AP4E1: variants seen among roughly 807,000 people sequenced by gnomAD.
The protein encoded by AP4E1 is AP-4 complex subunit epsilon-1.
In AP4E1, 56 loss-of-function variants were observed where a neutral mutation model predicts 128.2. That is an observed-to-expected ratio of 0.44 (90% CI 0.35 to 0.55). The LOEUF is 0.55. AP4E1 is among the 20% of genes least tolerant of loss of function. AP4E1 has a pLI of 0.00. For synonymous variants in AP4E1, 484 were observed against 473.1 expected (o/e 1.02, Z -0.30); for missense variants, 1,324 against 1,307.7 (o/e 1.01, Z -0.19).
In AP4E1 at chr15:50,984,044, ACT is replaced by A; in HGVS notation, c.1993_1994del (p.Ser665LeufsTer25). ...EKVLNFEPYG[L>X]SFSSSGFTGR... ...TAGTTCTCAATTTTGAACCATATGG[ACT>A]CTCCTTTTCTTCATCTGGCTTCACT... On this transcript the variant is annotated frameshift_variant, in exon 16 of 21. Transcript: ENST00000261842. LOFTEE classifies it high-confidence loss of function. 6.2e-7 allele frequency: 1 copy of A among 1,612,506 alleles called. No individual in the cohort carries two copies. The highest frequency in any genetic ancestry group is 2.2e-5 in the East Asian group (1 of 44,798).
At position 50,922,978 on chromosome 15, in the gene AP4E1, C is replaced by T. The variant is rs28661975; in HGVS notation, c.347-953C>T. Among the ~76,000 whole-genome samples the T allele has an allele frequency of 5.0e-3, 759 of 152,178 alleles. 10 individuals carry two copies. Among genetic ancestry groups the T allele is most frequent in the African/African-American group, 0.018 (735 of 41,520 alleles). ...ATTTTTAGTAGAGACGGGGTTTCAC[C>T]GTGTTAGCCAGGATGGTCTCGATCT... On this transcript the variant is annotated intron_variant, in intron 3 of 20. Transcript: ENST00000261842.
chr15:50,972,517 G>A (rs2064495214), intron 15 of AP4E1, among the ~76,000 whole-genome samples: 1 of 152,032 alleles, frequency 6.6e-6, no homozygotes, highest in African/African-American at 2.4e-5. Context: ...TGGCCATGTA[G>A]TTTCTTTAGC....
In AP4E1 at chr15:51,004,319, A is replaced by G. The variant is rs2064996706; in HGVS notation, c.*1657A>G. The G allele has an allele frequency of 6.6e-6, 1 of 152,234 alleles. No individual in the cohort carries two copies. The highest frequency in any genetic ancestry group is 1.5e-5 in the Non-Finnish European group (1 of 68,058). 9.4% of individuals were successfully genotyped at this position (152,234 alleles called of 1,614,324 possible). A position where few individuals can be genotyped will look rare whatever the true frequency, so the allele number is the denominator to read the frequency against. ...CCTAATTCTGCTGTGACTCTGACAG[A>G]GAGGAAGTGCCTTCTCACTTTGCAA... On this transcript the variant is annotated 3_prime_UTR_variant, in exon 21 of 21. Transcript: ENST00000261842.
chr15:50,935,956 A>G (rs2063903400), intron 8 of AP4E1, among the ~76,000 whole-genome samples: 1 of 152,204 alleles, frequency 6.6e-6, no homozygotes, highest in Non-Finnish European at 1.5e-5. Context: ...TGCTTTATTA[A>G]TTTGTTCAGC....
intron 17 of AP4E1, 62 bp downstream of exon 17, chr15:50,993,687 C>T (rs987936720): frequency 6.2e-7 from 1 of 1,604,008 alleles, no homozygotes; most frequent in Non-Finnish European, 8.5e-7. Context: ...AAAAAACTGG[C>T]TCTATAAAAG....
At chr15:50,979,477 TGCTCTTAGATA>T (rs1435208265) in intron 15 of AP4E1, among the ~76,000 whole-genome samples, 3 of 152,230 alleles carry the variant, frequency 2.0e-5, no homozygotes, top group African/African-American at 7.2e-5. Context: ...GCTGATGCCA[TGCTCTTAGATA>T]GCTCAGCCTT....
chr15:50,922,867 T>C (rs930554658), intron 3 of AP4E1, among the ~76,000 whole-genome samples: 2 of 151,800 alleles, frequency 1.3e-5, no homozygotes, highest in Non-Finnish European at 2.9e-5. Context: ...AAGCTCTGCC[T>C]CCTGGGTTCA....
At chr15:50,940,654 A>G (rs891143862) in intron 8 of AP4E1, among the ~76,000 whole-genome samples, 1 of 152,216 alleles carries the variant, frequency 6.6e-6, no homozygotes, top group Non-Finnish European at 1.5e-5. Context: ...AGAACACATA[A>G]GACTTAATGT....
chr15:50,968,803 T>G (rs2064432619), intron 15 of AP4E1, among the ~76,000 whole-genome samples: 1 of 151,168 alleles, frequency 6.6e-6, no homozygotes, highest in East Asian at 2.0e-4. Context: ...AAATTTTGTA[T>G]TTTTAGTAGA....
chr15:50,977,717 T>TTTTTG (rs1567250872), intron 15 of AP4E1, among the ~76,000 whole-genome samples: 4 of 135,120 alleles, frequency 3.0e-5, no homozygotes, highest in East Asian at 4.0e-4. Context: ...TTTTTTTTTT[T>TTTTTG]TTTTTTTTTA....
At chr15:50,952,542 T>C (rs1375431223) in intron 13 of AP4E1, among the ~76,000 whole-genome samples, 3 of 151,738 alleles carry the variant, frequency 2.0e-5, no homozygotes, top group African/African-American at 7.3e-5. Flanking sequence ...GTACAGTAAT[T>C]CGTTAATATC....
chr15:50,955,063 G>C lies in AP4E1; in HGVS notation c.1549-3429G>C, dbSNP rs11635232. 9.9e-3 allele frequency among the ~76,000 whole-genome samples: 1,515 copies of C among 152,290 alleles called. 11 individuals carry two copies. The highest frequency in any genetic ancestry group is 0.062 in the Middle Eastern group (18 of 290). Reference sequence around the variant, plus strand: ...CTGCATAGTATTCCATGGTGTATATGTGCCACATTTTCTTAATCCAGTCTA... The same window carrying C: ...CTGCATAGTATTCCATGGTGTATATCTGCCACATTTTCTTAATCCAGTCTA... On this transcript the variant is annotated intron_variant, in intron 13 of 20. Coordinates refer to ENST00000261842, the MANE Select transcript of AP4E1 (RefSeq NM_007347.5).
intron 20 of AP4E1, 115 bp downstream of exon 20, chr15:51,001,298 T>G (rs996253097): frequency 8.2e-6 from 8 of 978,066 alleles, no homozygotes; most frequent in South Asian, 3.1e-5. Flanking sequence ...CTATTATGAC[T>G]GTCTTTCAGA....
intron 15 of AP4E1, among the ~76,000 whole-genome samples, chr15:50,979,872 G>A (rs1245845245): frequency 6.6e-6 from 1 of 152,150 alleles, no homozygotes; most frequent in Non-Finnish European, 1.5e-5. Context: ...ACATAAAATG[G>A]ACTATGATAG....
chr15:50,925,965 C>T (rs1360304707), intron 5 of AP4E1, among the ~76,000 whole-genome samples: 1 of 151,768 alleles, frequency 6.6e-6, no homozygotes, highest in Non-Finnish European at 1.5e-5. Flanking sequence ...GCATTTTAAT[C>T]CTATTTTACA....
At chr15:50,941,174 A>C (rs1433863795) in intron 8 of AP4E1, among the ~76,000 whole-genome samples, 1 of 152,254 alleles carries the variant, frequency 6.6e-6, no homozygotes, top group African/African-American at 2.4e-5. Context: ...TGCCTGGCAC[A>C]TGGGAGGTGT....
upstream of AP4E1, among the ~76,000 whole-genome samples, chr15:50,908,327 C>T (rs986191589): frequency 2.6e-5 from 4 of 152,218 alleles, no homozygotes; most frequent in African/African-American, 9.6e-5. Context: ...GCTCCGGGGA[C>T]AGTGAGAGGC....
chr15:50,976,556 G>A (rs559030805), intron 15 of AP4E1, among the ~76,000 whole-genome samples: 3 of 152,186 alleles, frequency 2.0e-5, no homozygotes, highest in East Asian at 1.9e-4. Context: ...AAAGAAGAGA[G>A]GTATTCAGAT....
At chr15:50,908,397 C>T (rs928282913), upstream of AP4E1, among the ~76,000 whole-genome samples, 3 of 152,158 alleles carry the variant, frequency 2.0e-5, no homozygotes, top group African/African-American at 4.8e-5. Flanking sequence ...ACTCCTGACG[C>T]GGTCTCGGGC....
Sources: gnomAD v4.1 joint callset for allele counts (sites outside exome capture counted in the v4.1 genomes callset) on GRCh38, gnomAD v4.1.1 for gene constraint, MANE v1.5 for transcripts, NCBI Gene and HGNC (gene_info 2026-07-23, HGNC 2026-07-21) for gene names.